CCDC30: variants seen among roughly 807,000 people sequenced by gnomAD.
CCDC30 encodes coiled-coil domain containing 30, also known as coiled-coil domain-containing protein 30.
Under a neutral mutation model 100.2 loss-of-function variants are expected in CCDC30, and 70 were observed. The ratio of observed to expected loss-of-function variants is 0.70; its 90% CI spans 0.58 to 0.85. The LOEUF (loss-of-function observed/expected upper bound fraction) is 0.85. Among genes scored for constraint, CCDC30 ranks in the 40% least tolerant of loss-of-function variants. The pLI, the probability that CCDC30 is intolerant of heterozygous loss-of-function variation, is 0.00. For synonymous variants in CCDC30, 233 were observed against 269.5 expected, an observed-to-expected ratio of 0.86 and a Z score of 1.33; for missense variants, 652 against 771.2, an observed-to-expected ratio of 0.85 and a Z score of 1.83.
intron 1 of CCDC30, among the ~76,000 whole-genome samples, chr1:42,469,957 G>T (rs1224044172): frequency 6.6e-6 from 1 of 152,172 alleles, no homozygotes; most frequent in Non-Finnish European, 1.5e-5. Flanking sequence ...CAGAGGCCAT[G>T]AATTTGTAAT....
chr1:42,496,021 G>A (rs1040911952), intron 4 of CCDC30, among the ~76,000 whole-genome samples: 3 of 152,150 alleles, frequency 2.0e-5, no homozygotes, highest in African/African-American at 7.2e-5. Flanking sequence ...AGCCAAGTGT[G>A]CACTGACATG....
At position 42,644,343 on chromosome 1, in the gene CCDC30, C is replaced by T. The variant is rs987841462; in HGVS notation, c.1557-350C>T. 5.9e-5 allele frequency among the ~76,000 whole-genome samples: 9 copies of T among 152,208 alleles called. No homozygotes were observed. In the South Asian group the frequency reaches 1.0e-3, roughly 18 times the overall value. On this transcript the variant is annotated intron_variant, in intron 13 of 16. Coordinates refer to ENST00000668663, the Ensembl canonical transcript of CCDC30. ...AGGAGAGGCCTGTCTCTCTTTTTCACGTTTTTCTGCCTGCTTTATATTCAC... is the reference window on the plus strand; with the variant it reads ...AGGAGAGGCCTGTCTCTCTTTTTCATGTTTTTCTGCCTGCTTTATATTCAC...
intron 6 of CCDC30, among the ~76,000 whole-genome samples, chr1:42,526,405 C>T (rs1350111828): frequency 3.3e-5 from 5 of 151,698 alleles, no homozygotes; most frequent in East Asian, 1.9e-4. Context: ...GTTTTGAGGT[C>T]GTTTTCTTCT....
intron 6 of CCDC30, among the ~76,000 whole-genome samples, chr1:42,546,691 C>A (rs1055314978): frequency 1.3e-5 from 2 of 151,408 alleles, no homozygotes; most frequent in Non-Finnish European, 2.9e-5. Context: ...AATTTTTTGA[C>A]CACTTTTCTC....
chr1:42,481,560 G>A (rs1231850236), intron 2 of CCDC30, among the ~76,000 whole-genome samples: 2 of 118,138 alleles, frequency 1.7e-5, no homozygotes, highest in African/African-American at 6.8e-5. Flanking sequence ...CTGGGCGACA[G>A]AGCAAAACCC....
At chr1:42,553,283 A>G (rs934612902) in intron 6 of CCDC30, among the ~76,000 whole-genome samples, 1 of 152,056 alleles carries the variant, frequency 6.6e-6, no homozygotes, top group African/African-American at 2.4e-5. Flanking sequence ...CTGTGAGGCA[A>G]AAAGAACACC....
In CCDC30 at chr1:42,653,388, AG is replaced by A. The variant is rs759116021; in HGVS notation, c.1868del (p.Ser623MetfsTer8). The stretch of plus-strand genomic sequence containing the variant: ...TCTTTCCTTTTAGGAAACAACAATT[AG>A]TGACATCCTTGAATCCGAAGTAGTG... On this transcript the variant is annotated frameshift_variant, in exon 16 of 17. Coordinates refer to ENST00000668663, the Ensembl canonical transcript of CCDC30. LOFTEE classifies it high-confidence loss of function. The A allele has an allele frequency of 1.2e-6, 2 of 1,602,354 alleles. No individual in the cohort carries two copies. The highest frequency in any genetic ancestry group is 3.4e-5 in the Admixed American group (2 of 59,350).
rs199579945 is a variant in CCDC30 at position 42,567,953 on chromosome 1, AG to A, written c.636+1479del. Among the ~76,000 whole-genome samples, 1,049 of 150,550 alleles carry A rather than the reference AG, an allele frequency of 7.0e-3. 11 individuals are homozygous for A. Among genetic ancestry groups the A allele is most frequent in the African/African-American group, 0.023 (946 of 40,754 alleles). On this transcript the variant is annotated intron_variant, in intron 7 of 16. Transcript: ENST00000668663. ...GCATGCAGTAAATTTAAAAAAAAAG[AG>A]AGAGAGAATTTTTTTTGTCTATTTT...
rs908658137 is a variant in CCDC30 at position 42,596,276 on chromosome 1, C to T, written c.1164+6793C>T. Among the ~76,000 whole-genome samples, 1 of 152,154 alleles carries T rather than the reference C, an allele frequency of 6.6e-6. No individual in the cohort carries two copies. Among genetic ancestry groups the T allele is most frequent in the Non-Finnish European group, 1.5e-5 (1 of 68,020 alleles). On this transcript the variant is annotated intron_variant, in intron 10 of 16. Coordinates refer to ENST00000668663, the Ensembl canonical transcript of CCDC30. This position sits in a 1 kb window ranked among gnomAD's most constrained non-coding sequence, Gnocchi z 4.3. ...ACCCAGTCATTAGGGGACTTAGACA[C>T]ATTTGTGAGTTTTACCTCCTGTAGC...
intron 6 of CCDC30, among the ~76,000 whole-genome samples, chr1:42,533,527 T>C (rs72954360): frequency 0.013 from 2,033 of 152,310 alleles, 45 homozygotes; most frequent in African/African-American, 0.047. Flanking sequence ...TCCAGGTTTA[T>C]CTGGCCCCAG....
intron 6 of CCDC30, among the ~76,000 whole-genome samples, chr1:42,510,307 G>T (rs932041489): frequency 5.9e-5 from 9 of 152,258 alleles, no homozygotes; most frequent in Non-Finnish European, 1.2e-4. Flanking sequence ...TTCAACCTTG[G>T]TTAGGGTTTG....
rs554100799 is a variant in CCDC30, at chr1:42,522,198, A to AT, written c.456+23290dup. 4.7e-4 allele frequency among the ~76,000 whole-genome samples: 71 copies of AT among 151,918 alleles called. 1 individual carries two copies. In the East Asian group the frequency reaches 8.3e-3, roughly 18 times the overall value. ...ATTTTATTGTCATATTGTTATTTTT[A>AT]TTTTTTTTAATATTTTCAATCCAGG... is the stretch of plus-strand genomic sequence containing the variant. On this transcript the variant is annotated intron_variant, in intron 6 of 16. Coordinates refer to ENST00000668663, the Ensembl canonical transcript of CCDC30.
intron 9 of CCDC30, among the ~76,000 whole-genome samples, chr1:42,583,534 AT>A (rs1246581736): frequency 6.6e-6 from 1 of 152,184 alleles, no homozygotes; most frequent in South Asian, 2.1e-4. Context: ...CTGACATTAC[AT>A]TTTTTTCTAG....
chr1:42,629,301 A>G (rs1352797293), intron 11 of CCDC30, among the ~76,000 whole-genome samples: 1 of 152,166 alleles, frequency 6.6e-6, no homozygotes, highest in Non-Finnish European at 1.5e-5. Context: ...TGGATATACT[A>G]TTCTAGGGTA....
At chr1:42,654,146 C>A in exon 17 of CCDC30, 1 of 680,408 alleles carries the variant, frequency 1.5e-6, no homozygotes. Flanking sequence ...ACCCAAGAGT[C>A]TTCAAAACTG....
chr1:42,571,821 G>T (rs540804976), intron 7 of CCDC30, among the ~76,000 whole-genome samples: 1 of 152,168 alleles, frequency 6.6e-6, no homozygotes, highest in Non-Finnish European at 1.5e-5. Context: ...GAGGAAATGA[G>T]GTTTCATAAG....
chr1:42,614,237 C>T (rs1292247023), intron 11 of CCDC30, among the ~76,000 whole-genome samples: 4 of 151,610 alleles, frequency 2.6e-5, no homozygotes, highest in African/African-American at 9.7e-5. Flanking sequence ...CCCGCCACTA[C>T]GCCTGGCTAA....
At chr1:42,613,366 T>G (rs1169292817) in intron 11 of CCDC30, among the ~76,000 whole-genome samples, 2 of 152,182 alleles carry the variant, frequency 1.3e-5, no homozygotes, top group Non-Finnish European at 2.9e-5. Context: ...GCCATTCTCC[T>G]GGCTCAGCCT....
chr1:42,611,014 T>C, exon 11 of CCDC30: 1 of 1,612,492 alleles, frequency 6.2e-7, no homozygotes, highest in Non-Finnish European at 8.5e-7. Flanking sequence ...AGAGAAGCTA[T>C]CTAAGCTACA....
Sources: allele counts gnomAD v4.1 joint callset (sites outside exome capture counted in the v4.1 genomes callset), GRCh38; gene constraint gnomAD v4.1.1; non-coding constraint Gnocchi (gnomAD v3.1); transcripts MANE v1.5; gene names NCBI Gene and HGNC (gene_info 2026-07-23, HGNC 2026-07-21).